Variants in MAPK6 observed in about 807,000 individuals in gnomAD.
MAPK6 encodes the protein ERK-3.
A neutral mutation model predicts 59.3 loss-of-function variants in MAPK6; 19 were observed. That is an observed-to-expected ratio of 0.32 (90% confidence interval 0.22 to 0.47). MAPK6 has a LOEUF of 0.47. Among genes scored for constraint, MAPK6 ranks in the 20% least tolerant of loss-of-function variants. The pLI, the probability that MAPK6 is intolerant of heterozygous loss-of-function variation, is 1.00. For missense variants in MAPK6, 724 were observed against 847.9 expected, an observed-to-expected ratio of 0.85 and a Z score of 1.81; for synonymous variants, 316 against 290.3, an observed-to-expected ratio of 1.09 and a Z score of -0.90.
At chr15:51,978,174 C>T (rs1343318407) in intron 1 of MAPK6, among the ~76,000 whole-genome samples, 4 of 151,578 alleles carry the variant, frequency 2.6e-5, no homozygotes, top group African/African-American at 9.7e-5. Flanking sequence ...GCTCTGTCGC[C>T]CAAGCTGGAG....
chr15:52,033,319 C>G (rs1232473967), intron 1 of MAPK6, among the ~76,000 whole-genome samples: 11 of 152,014 alleles, frequency 7.2e-5, no homozygotes, highest in Non-Finnish European at 1.3e-4. Flanking sequence ...AGAGGAAAAC[C>G]CACCCTCATC....
rs144712024 is a variant in MAPK6 at position 52,025,398 on chromosome 15, A to C, written c.-632+6022A>C. On this transcript the variant is annotated intron_variant, in intron 1 of 5. Transcript: ENST00000261845. The stretch of plus-strand genomic sequence containing the variant: ...CAGTTGAACTTTCTATGATGATAGA[A>C]GTGTTCTGTGCTATCCAGTGAGGTA... Among the ~76,000 whole-genome samples, 41 of 152,352 alleles carry C rather than the reference A, an allele frequency of 2.7e-4. No homozygotes were observed. In the East Asian group the frequency reaches 7.7e-3, roughly 29 times the overall value.
chr15:52,039,509 C>CTTTTTTT (rs11341546), intron 1 of MAPK6, among the ~76,000 whole-genome samples: 3 of 85,876 alleles, frequency 3.5e-5, no homozygotes, highest in Non-Finnish European at 4.8e-5. Context: ...AGTGTTTTGT[C>CTTTTTTT]TTTTTTTTTT....
At position 52,061,523 on chromosome 15, in the gene MAPK6, AAAT is replaced by A. The variant is rs146459767; in HGVS notation, c.1067+28_1067+30del. 1,320 of 1,561,658 alleles carry A rather than the reference AAAT, an allele frequency of 8.5e-4. 1 individual carries two copies. Among genetic ancestry groups the A allele is most frequent in the Non-Finnish European group, 1.1e-3 (1,221 of 1,133,928 alleles). ...AAGGTAAATTGATCCTAAATTAGAA[AAAT>A]AATATTTACTGAACTTTCAGTGGAC... On this transcript the variant is annotated intron_variant, in intron 5 of 5. Transcript: ENST00000261845.
chr15:51,984,686 C>CGG (rs530163343), intron 2 of MAPK6, among the ~76,000 whole-genome samples: 118 of 151,544 alleles, frequency 7.8e-4, no homozygotes, highest in African/African-American at 2.7e-3. Context: ...ACCAGTTCTC[C>CGG]GGGGGGGAAG....
At chr15:51,972,573 C>G (rs571963037) in intron 1 of MAPK6, among the ~76,000 whole-genome samples, 2 of 150,490 alleles carry the variant, frequency 1.3e-5, no homozygotes, top group Non-Finnish European at 3.0e-5. Context: ...CCTGTAATCC[C>G]AGCACTTTGG....
intron 2 of MAPK6, among the ~76,000 whole-genome samples, chr15:51,986,455 A>G (rs920884800): frequency 3.3e-5 from 5 of 152,250 alleles, no homozygotes; most frequent in African/African-American, 1.2e-4. Flanking sequence ...ATGTACATGG[A>G]GTTTGCAGCT....
chr15:51,996,391 A>T (rs769849056), intron 2 of MAPK6, among the ~76,000 whole-genome samples: 5 of 151,842 alleles, frequency 3.3e-5, no homozygotes, highest in Admixed American at 1.3e-4. Context: ...CCTTTTATTT[A>T]TTTATGTATT....
chr15:51,979,112 A>C (rs1050931562), intron 1 of MAPK6, among the ~76,000 whole-genome samples: 1 of 150,352 alleles, frequency 6.7e-6, no homozygotes, highest in African/African-American at 2.4e-5. Flanking sequence ...CCTTGAAAAA[A>C]AAAAGAGAGA....
At chr15:52,013,172 A>G (rs1331405155) in intron 3 of MAPK6, among the ~76,000 whole-genome samples, 1 of 150,330 alleles carries the variant, frequency 6.7e-6, no homozygotes, top group African/African-American at 2.4e-5. Context: ...CTAAACCCAC[A>G]TCACTCCATC....
intron 1 of MAPK6, among the ~76,000 whole-genome samples, chr15:52,027,180 C>T (rs1328561074): frequency 1.3e-5 from 2 of 151,554 alleles, no homozygotes; most frequent in Non-Finnish European, 2.9e-5. Context: ...GGTGAAACCC[C>T]ATCTCTACTA....
intron 1 of MAPK6, among the ~76,000 whole-genome samples, chr15:52,034,703 CTGTT>C (rs1053646116): frequency 4.0e-5 from 6 of 151,454 alleles, no homozygotes; most frequent in African/African-American, 1.2e-4. Flanking sequence ...GTTTGTTTGT[CTGTT>C]TGTTTATTGA....
In MAPK6 at chr15:51,994,783, G is replaced by A. The variant is rs143975085; in HGVS notation, c.-769-9482G>A. Among the ~76,000 whole-genome samples the A allele has an allele frequency of 9.8e-5, 15 of 152,304 alleles. No homozygotes were observed. In the East Asian group the frequency reaches 2.7e-3, roughly 27 times the overall value. The stretch of plus-strand genomic sequence containing the variant: ...TGATTCTCTGATTGTTCTGCCAAAG[G>A]TGCATGAATCTAATCATGATAAAAC... On this transcript the variant is annotated intron_variant, in intron 2 of 7. Coordinates refer to the MAPK6 transcript ENST00000691380.
chr15:52,042,102 T>G (rs2031440432), intron 1 of MAPK6, among the ~76,000 whole-genome samples: 1 of 152,220 alleles, frequency 6.6e-6, no homozygotes, highest in Non-Finnish European at 1.5e-5. Flanking sequence ...ACAGCATTAC[T>G]CGCAGCTTAC....
At chr15:51,982,557 C>A (rs765261889) in intron 1 of MAPK6, among the ~76,000 whole-genome samples, 6 of 152,006 alleles carry the variant, frequency 3.9e-5, no homozygotes, top group Non-Finnish European at 7.4e-5. Context: ...AGAAAATGTC[C>A]TGTGTTGGTG....
rs149225460 is a variant in MAPK6, at chr15:52,064,706, T to C, written c.1872T>C (p.Thr624=). The part of the protein sequence containing the change: ...RKDEQVEKEN[T]YTSYLDKFFS... ...ATGAACAAGTTGAGAAGGAAAACACTTACACTAGTTACTTGGACAAGTTCT... is the reference window on the plus strand; with the variant it reads ...ATGAACAAGTTGAGAAGGAAAACACCTACACTAGTTACTTGGACAAGTTCT... Residue 624 remains threonine, a synonymous_variant, in exon 6 of 6, where the codon ACT becomes ACC. Coordinates refer to ENST00000261845, the MANE Select transcript of MAPK6 (RefSeq NM_002748.4). The C allele has an allele frequency of 2.9e-5, 46 of 1,611,668 alleles. 1 individual carries two copies. Among genetic ancestry groups the C allele is most frequent in the Admixed American group, 8.3e-5 (5 of 59,980 alleles).
intron 1 of MAPK6, among the ~76,000 whole-genome samples, chr15:52,043,373 C>T (rs988845562): frequency 6.6e-6 from 1 of 152,126 alleles, no homozygotes; most frequent in Non-Finnish European, 1.5e-5. Flanking sequence ...TCTCACCTCA[C>T]TGCAACCTCC....
chr15:52,060,282 T>C (rs565291195), intron 4 of MAPK6, among the ~76,000 whole-genome samples: 2 of 152,002 alleles, frequency 1.3e-5, no homozygotes, highest in Non-Finnish European at 2.9e-5. Context: ...CTTTCTAGAG[T>C]ACAGGTTGGC....
chr15:52,045,768 C>T (rs1275179100), intron 1 of MAPK6, 62 bp from the exon 2 acceptor site: 3 of 152,616 alleles, frequency 2.0e-5, no homozygotes, highest in Non-Finnish European at 4.4e-5. Context: ...TGTCATACTA[C>T]AAATTTGAAG....
Sources: gnomAD v4.1 joint callset for allele counts (sites outside exome capture counted in the v4.1 genomes callset) on GRCh38, gnomAD v4.1.1 for gene constraint, MANE v1.5 for transcripts, NCBI Gene and HGNC (gene_info 2026-07-23, HGNC 2026-07-21) for gene names.